SPMIP2: variants seen among roughly 807,000 people sequenced by gnomAD.
The protein encoded by SPMIP2 is sperm microtubule inner protein 2.
the SPMIP2 span, among the ~76,000 whole-genome samples, chr4:159,031,208 T>C: frequency 6.6e-6 from 1 of 152,178 alleles, no homozygotes; most frequent in Non-Finnish European, 1.5e-5. Context: ...TTATAGGAGT[T>C]AAAATTATTA....
chr4:158,972,796 G>A, the SPMIP2 span, among the ~76,000 whole-genome samples: 1 of 152,058 alleles, frequency 6.6e-6, no homozygotes, highest in Non-Finnish European at 1.5e-5. Context: ...GTGTGTGCAA[G>A]TGCCTCAGCC....
chr4:158,988,114 C>T, the SPMIP2 span, among the ~76,000 whole-genome samples: 1 of 152,122 alleles, frequency 6.6e-6, no homozygotes, highest in African/African-American at 2.4e-5. Flanking sequence ...CTATAAACAG[C>T]TGTACGCAAA....
the SPMIP2 span, among the ~76,000 whole-genome samples, chr4:158,923,602 T>C: frequency 6.6e-6 from 1 of 152,212 alleles, no homozygotes; most frequent in African/African-American, 2.4e-5. Context: ...TTAGTTGTAA[T>C]AGATTTTATG....
the SPMIP2 span, among the ~76,000 whole-genome samples, chr4:158,930,844 A>T: frequency 2.0e-4 from 30 of 151,920 alleles, no homozygotes; most frequent in African/African-American, 6.5e-4. Context: ...GTCATTTTTC[A>T]TTTTCTACTC....
At chr4:158,994,241 T>A in the SPMIP2 span, among the ~76,000 whole-genome samples, 1 of 152,200 alleles carries the variant, frequency 6.6e-6, no homozygotes, top group Non-Finnish European at 1.5e-5. Context: ...AAGAAATGGA[T>A]GTTGAATAAG....
the SPMIP2 span, among the ~76,000 whole-genome samples, chr4:158,946,591 GTTTCCTGAGGCCTCCCCAGCCAT>G: frequency 6.6e-6 from 1 of 152,136 alleles, no homozygotes; most frequent in East Asian, 1.9e-4. Context: ...ACAATTGTAA[GTTTCCTGAGGCCTCCCCAGCCAT>G]GCAGAACTGT....
the SPMIP2 span, among the ~76,000 whole-genome samples, chr4:158,957,424 T>TC: frequency 3.9e-5 from 6 of 151,914 alleles, no homozygotes; most frequent in African/African-American, 1.5e-4. Context: ...GATCTTGTAC[T>TC]CACCTACCTT....
the SPMIP2 span, chr4:158,904,372 C>A: frequency 8.9e-7 from 1 of 1,121,842 alleles, no homozygotes; most frequent in Non-Finnish European, 1.3e-6. Flanking sequence ...AAACTTAGTA[C>A]CTAGAAATAA....
At chr4:158,949,471 G>T in the SPMIP2 span, among the ~76,000 whole-genome samples, 1 of 152,212 alleles carries the variant, frequency 6.6e-6, no homozygotes, top group Non-Finnish European at 1.5e-5. Flanking sequence ...CTGAGGCATA[G>T]TTTAAATAAC....
chr4:159,014,193 G>A, the SPMIP2 span, among the ~76,000 whole-genome samples: 2 of 152,150 alleles, frequency 1.3e-5, no homozygotes, highest in Non-Finnish European at 2.9e-5. Flanking sequence ...GGTGTCTCAC[G>A]CCTGTAATCT....
chr4:159,061,180 C>T, the SPMIP2 span, among the ~76,000 whole-genome samples: 1 of 150,832 alleles, frequency 6.6e-6, no homozygotes, highest in African/African-American at 2.5e-5. Context: ...GGAATATAGC[C>T]AGAAAACAGC....
At chr4:159,064,033 T>G in the SPMIP2 span, among the ~76,000 whole-genome samples, 1 of 152,204 alleles carries the variant, frequency 6.6e-6, no homozygotes, top group Non-Finnish European at 1.5e-5. Context: ...TCTCTCTCAA[T>G]GCTCATTTTA....
chr4:158,916,012 C>T, the SPMIP2 span, among the ~76,000 whole-genome samples: 5 of 152,226 alleles, frequency 3.3e-5, no homozygotes. Context: ...ATTCACCATC[C>T]TTCCACCTGG....
chr4:158,945,328 G>T, the SPMIP2 span, among the ~76,000 whole-genome samples: 1 of 151,444 alleles, frequency 6.6e-6, no homozygotes, highest in East Asian at 2.0e-4. Context: ...TGCTCTGGCC[G>T]TGGGTTTCAG....
At chr4:159,016,225 C>T in the SPMIP2 span, among the ~76,000 whole-genome samples, 2 of 152,218 alleles carry the variant, frequency 1.3e-5, no homozygotes, top group East Asian at 3.8e-4. Flanking sequence ...TCCAAAATCA[C>T]TGCCAATCTC....
the SPMIP2 span, among the ~76,000 whole-genome samples, chr4:159,040,141 A>AAC: frequency 8.4e-6 from 1 of 118,636 alleles, no homozygotes; most frequent in African/African-American, 3.3e-5. Context: ...ATGGTACTTA[A>AAC]ATATGTGTGT....
the SPMIP2 span, among the ~76,000 whole-genome samples, chr4:159,020,922 C>T: frequency 5.9e-5 from 9 of 152,196 alleles, no homozygotes; most frequent in East Asian, 9.7e-4. Context: ...CCACCACGCC[C>T]GGCTAATTTT....
the SPMIP2 span, among the ~76,000 whole-genome samples, chr4:158,948,436 T>C: frequency 6.6e-6 from 1 of 152,190 alleles, no homozygotes; most frequent in Non-Finnish European, 1.5e-5. Context: ...TGGAAGTCAT[T>C]GGCCCAGTGT....
At chr4:159,001,169 T>C in the SPMIP2 span, among the ~76,000 whole-genome samples, 6 of 152,204 alleles carry the variant, frequency 3.9e-5, no homozygotes, top group Non-Finnish European at 5.9e-5. Context: ...CACTTGGTCT[T>C]CTTAATTGGT....
Sources: allele counts gnomAD v4.1 joint callset (sites outside exome capture counted in the v4.1 genomes callset), GRCh38; gene constraint gnomAD v4.1.1; transcripts MANE v1.5; gene names NCBI Gene and HGNC (gene_info 2026-07-23, HGNC 2026-07-21).